PRKCH: variants seen among roughly 807,000 people sequenced by gnomAD.
PRKCH encodes protein kinase C eta.
Under a neutral mutation model 82.5 loss-of-function variants are expected in PRKCH, and 28 were observed. The ratio of observed to expected loss-of-function variants is 0.34; its 90% CI spans 0.25 to 0.47. PRKCH has a LOEUF of 0.47. PRKCH is among the 20% of genes least tolerant of loss of function. The pLI is 1.00. For synonymous variants in PRKCH, 322 were observed against 327.4 expected (o/e 0.98, Z 0.18); for missense variants, 705 against 881.8 (o/e 0.80, Z 2.54).
intron 2 of PRKCH, among the ~76,000 whole-genome samples, chr14:61,417,304 G>C (rs1951966): frequency 6.6e-6 from 1 of 151,968 alleles, no homozygotes; most frequent in African/African-American, 2.4e-5. Flanking sequence ...TCTTTTTGGC[G>C]GTCTTTTTTG....
rs57299147 is a variant in PRKCH at position 61,231,329 on chromosome 14, A to G, written c.-19+43661A>G. On this transcript the variant is annotated intron_variant, in intron 1 of 3. Coordinates refer to the PRKCH transcript ENST00000555185. ...TGCTTAGAACAGTGCTTGGTAACTG[A>G]TCAATACATTTAAGAATTGCTAATC... Among the ~76,000 whole-genome samples the G allele has an allele frequency of 1.3e-3, 193 of 151,932 alleles. 1 individual carries two copies. Among genetic ancestry groups the G allele is most frequent in the African/African-American group, 4.3e-3 (178 of 41,426 alleles).
At chr14:61,465,784 A>T (rs1198243167) in intron 9 of PRKCH, among the ~76,000 whole-genome samples, 1 of 152,216 alleles carries the variant, frequency 6.6e-6, no homozygotes, top group Non-Finnish European at 1.5e-5. Flanking sequence ...ATACTATTTG[A>T]TGAGAATTTT....
At chr14:61,316,113 A>C (rs1163780111) in intron 1 of PRKCH, among the ~76,000 whole-genome samples, 2 of 152,092 alleles carry the variant, frequency 1.3e-5, no homozygotes, top group African/African-American at 4.8e-5. Context: ...TATTCCATTA[A>C]GTTGCTATTC....
intron 9 of PRKCH, among the ~76,000 whole-genome samples, chr14:61,470,345 ATCCCG>A (rs1885444707): frequency 1.5e-5 from 1 of 64,928 alleles, no homozygotes. Context: ...GATCTTTCTC[ATCCCG>A]CTGGCAAGAC....
At chr14:61,189,096 C>T (rs1419143265) in intron 1 of PRKCH, among the ~76,000 whole-genome samples, 1 of 152,226 alleles carries the variant, frequency 6.6e-6, no homozygotes. Flanking sequence ...ACGATCTGCT[C>T]CTTCGGAAGA....
chr14:61,530,285 GC>G (rs369218491), intron 11 of PRKCH, 121 bp from the exon 12 acceptor site: 1 of 1,091,156 alleles, frequency 9.2e-7, no homozygotes, highest in African/African-American at 1.6e-5. Flanking sequence ...ACGCTTGCTA[GC>G]ACAGGAGACT....
chr14:61,360,783 A>G (rs1240587472), intron 1 of PRKCH, among the ~76,000 whole-genome samples: 2 of 152,220 alleles, frequency 1.3e-5, no homozygotes, highest in East Asian at 1.9e-4. Flanking sequence ...TTCAGCTGTT[A>G]ACCATGCTAG....
At chr14:61,512,413 A>G (rs561129403) in intron 10 of PRKCH, among the ~76,000 whole-genome samples, 1 of 152,256 alleles carries the variant, frequency 6.6e-6, no homozygotes, top group Admixed American at 6.5e-5. Context: ...GAAAAAATGC[A>G]GAGGGAACCA....
chr14:61,314,984 T>C (rs1004994820), intron 1 of PRKCH, among the ~76,000 whole-genome samples: 3 of 152,210 alleles, frequency 2.0e-5, no homozygotes, highest in African/African-American at 7.2e-5. Context: ...TAGTTGTGGG[T>C]CGTTCTTTAC....
At chr14:61,482,689 A>G (rs1194538479) in intron 9 of PRKCH, among the ~76,000 whole-genome samples, 1 of 152,198 alleles carries the variant, frequency 6.6e-6, no homozygotes, top group Non-Finnish European at 1.5e-5. Flanking sequence ...ATGAAAAGAA[A>G]CAGGTACAGC....
Position 61,519,317 on chromosome 14 carries a change from GAATA to G in PRKCH, c.1434-9751_1434-9748del, listed in dbSNP as rs57492171. ...TGAATGAATGAATGAATGAATGAATGAATAAATAAAATTTTTGTAGAGACAGGGT... is the reference window on the plus strand; with the variant it reads ...TGAATGAATGAATGAATGAATGAATGAATAAAATTTTTGTAGAGACAGGGT... On this transcript the variant is annotated intron_variant, in intron 10 of 13. Transcript: ENST00000332981. Among the ~76,000 whole-genome samples, 199 of 115,186 alleles carry G rather than the reference GAATA, an allele frequency of 1.7e-3. 2 individuals are homozygous for G. The East Asian group carries it at 0.027, about 16-fold the overall frequency. The allele number at this position is 115,186 out of a possible 152,430, so 75.6% of individuals were successfully genotyped here.
At chr14:61,263,105 C>T (rs1364727533) in intron 1 of PRKCH, among the ~76,000 whole-genome samples, 2 of 152,016 alleles carry the variant, frequency 1.3e-5, no homozygotes, top group African/African-American at 4.8e-5. Flanking sequence ...ACGAGCCTGC[C>T]GCTCCATCAC....
intron 1 of PRKCH, among the ~76,000 whole-genome samples, chr14:61,195,034 A>G (rs1354579869): frequency 6.6e-6 from 1 of 152,242 alleles, no homozygotes; most frequent in Admixed American, 6.5e-5. Flanking sequence ...GCGCCTGGCC[A>G]TCATTATCAT....
chr14:61,353,826 A>G (rs2046112664), intron 1 of PRKCH: 1 of 152,168 alleles, frequency 6.6e-6, no homozygotes, highest in South Asian at 2.1e-4. Context: ...GGTCCTAGCT[A>G]CATGGGACAC....
chr14:61,211,382 C>T (rs1208587206), intron 1 of PRKCH, among the ~76,000 whole-genome samples: 2 of 152,184 alleles, frequency 1.3e-5, no homozygotes, highest in Non-Finnish European at 2.9e-5. Context: ...ATCCCAGAAA[C>T]AAGAAGAGAA....
chr14:61,535,881 G>A (rs750337982), intron 12 of PRKCH, among the ~76,000 whole-genome samples: 1 of 152,246 alleles, frequency 6.6e-6, no homozygotes, highest in Non-Finnish European at 1.5e-5. Context: ...TCAAGGCTGA[G>A]TGATGAGTAC....
Position 61,549,912 on chromosome 14 carries a change from C to T in PRKCH, c.*81C>T. 6.9e-7 allele frequency: 1 copy of T among 1,455,458 alleles called. No individual in the cohort carries two copies. Among genetic ancestry groups the T allele is most frequent in the Non-Finnish European group, 9.3e-7 (1 of 1,071,768 alleles). 90.2% of individuals were successfully genotyped at this position (1,455,458 alleles called of 1,614,324 possible). The stretch of plus-strand genomic sequence containing the variant: ...AGGAATTTCCTCTATGGGACCTTCC[C>T]AGCATCAGCCTTAGAACAAGAACCT... On this transcript the variant is annotated 3_prime_UTR_variant, in exon 14 of 14. Coordinates refer to ENST00000332981, the MANE Select transcript of PRKCH (RefSeq NM_006255.5).
chr14:61,459,235 G>A (rs1884922197), intron 9 of PRKCH, among the ~76,000 whole-genome samples: 2 of 152,220 alleles, frequency 1.3e-5, no homozygotes, highest in South Asian at 2.1e-4. Context: ...CACCATCAAG[G>A]AAGTAGGGGA....
At chr14:61,246,468 C>G (rs1277837002) in intron 1 of PRKCH, among the ~76,000 whole-genome samples, 1 of 152,070 alleles carries the variant, frequency 6.6e-6, no homozygotes, top group East Asian at 1.9e-4. Context: ...ATCCATGCCC[C>G]TCATTTCAGT....
Sources: allele counts gnomAD v4.1 joint callset (sites outside exome capture counted in the v4.1 genomes callset), GRCh38; gene constraint gnomAD v4.1.1; transcripts MANE v1.5; gene names NCBI Gene and HGNC (gene_info 2026-07-23, HGNC 2026-07-21).